Variants in ZDHHC18 observed in about 807,000 individuals in gnomAD.
The protein encoded by ZDHHC18 is zDHHC palmitoyltransferase 18.
Under a neutral mutation model 37.5 loss-of-function variants are expected in ZDHHC18, and 23 were observed. That is an observed-to-expected ratio of 0.61 (90% CI 0.44 to 0.87). The LOEUF (loss-of-function observed/expected upper bound fraction) is 0.87, where lower values mean the gene tolerates loss of function less well. Among genes scored for constraint, ZDHHC18 ranks in the 40% least tolerant of loss-of-function variants. The pLI is 0.00. For missense variants in ZDHHC18, 406 were observed against 525.6 expected (o/e 0.77, Z 2.22); for synonymous variants, 185 against 218.7 (o/e 0.85, Z 1.36).
chr1:26,836,583 T>G (rs1252177044), intron 2 of ZDHHC18, among the ~76,000 whole-genome samples: 3 of 150,364 alleles, frequency 2.0e-5, no homozygotes, highest in Non-Finnish European at 4.4e-5. Flanking sequence ...TTTTTTTTTT[T>G]TTTGAGACGG....
rs972611579 is a variant in ZDHHC18 at position 26,827,054 on chromosome 1, C to T, written c.250C>T (p.Arg84Cys). 1.5e-6 allele frequency: 2 copies of T among 1,361,832 alleles called. No individual in the cohort carries two copies. The highest frequency in any genetic ancestry group is 1.5e-5 in the African/African-American group (1 of 65,842). The allele number at this position is 1,361,832 out of a possible 1,614,324, so 84.4% of individuals were successfully genotyped here. Residue 84 changes from arginine to cysteine, a missense_variant, in exon 1 of 8, where the codon CGC becomes TGC. Transcript: ENST00000374142. ...PGRNRFYCGG[R>C]LMLAGHGGVF... is the part of the protein sequence containing the mutation. Reference sequence around the variant, plus strand: ...TCGCAATCGCTTCTACTGCGGCGGCCGCCTCATGCTGGCCGGCCACGGCGG... The same window carrying T: ...TCGCAATCGCTTCTACTGCGGCGGCTGCCTCATGCTGGCCGGCCACGGCGG...
At chr1:26,845,108 A>G (rs922507414) in intron 2 of ZDHHC18, among the ~76,000 whole-genome samples, 123 of 151,868 alleles carry the variant, frequency 8.1e-4, no homozygotes, top group African/African-American at 2.7e-3. Flanking sequence ...TATTTTTAGT[A>G]TAGACGAGGT....
In ZDHHC18 at chr1:26,850,338, T is replaced by C; in HGVS notation, c.684T>C (p.Cys228=). 1 of 1,614,218 alleles carries C rather than the reference T, an allele frequency of 6.2e-7. No individual in the cohort carries two copies. Among genetic ancestry groups the C allele is most frequent in the South Asian group, 1.1e-5 (1 of 91,088 alleles). ...ATCACTGCCCCTGGGTGGGCAACTG[T>C]GTGGGGAGACGGAACTATCGCTTCT... The part of the protein sequence containing the change: ...FDHHCPWVGN[C]VGRRNYRFFY... Residue 228 remains cysteine, a synonymous_variant, in exon 4 of 8, where the codon TGT becomes TGC. Transcript: ENST00000374142. This position sits in a 1 kb window ranked among gnomAD's most constrained non-coding sequence, Gnocchi z 6.1.
chr1:26,845,414 C>T, intron 2 of ZDHHC18, among the ~76,000 whole-genome samples: 1 of 143,658 alleles, frequency 7.0e-6, no homozygotes, highest in East Asian at 2.0e-4. Context: ...CTCACTGTAA[C>T]CCCCACCTCC....
intron 7 of ZDHHC18, 115 bp downstream of exon 7, chr1:26,852,980 C>T: frequency 2.5e-6 from 2 of 799,354 alleles, no homozygotes; most frequent in Non-Finnish European, 3.9e-6. Flanking sequence ...CGTCCACTAC[C>T]CCCTGGAGGG....
intron 2 of ZDHHC18, 28 bp downstream of exon 2, chr1:26,832,635 G>T: frequency 6.2e-7 from 1 of 1,611,030 alleles, no homozygotes; most frequent in South Asian, 1.1e-5. Flanking sequence ...AGCTGAAGCT[G>T]GGTCTCCATA....
At chr1:26,853,596 C>A (rs552788470) in intron 7 of ZDHHC18, 130 bp from the exon 8 acceptor site, 154 of 870,524 alleles carry the variant, frequency 1.8e-4, no homozygotes, top group Middle Eastern at 1.6e-3. Flanking sequence ...AGATGGGCAG[C>A]AGCTCTCCTT....
Position 26,857,559 on chromosome 1 carries a change from T to G in ZDHHC18, c.*3716T>G, listed in dbSNP as rs1375378631. On this transcript the variant is annotated 3_prime_UTR_variant, in exon 8 of 8. Coordinates refer to ENST00000374142, the MANE Select transcript of ZDHHC18 (RefSeq NM_032283.3). ...CTGCTTGTCTGCTATCCTGTACCTT[T>G]TTTTTTTTTAACCAAAATAAAGATT... The G allele has an allele frequency of 1.3e-5, 2 of 151,498 alleles. No individual in the cohort carries two copies. The highest frequency in any genetic ancestry group is 2.9e-5 in the Non-Finnish European group (2 of 67,804). The allele number at this position is 151,498 out of a possible 1,614,324, so 9.4% of individuals were successfully genotyped here.
chr1:26,846,158 G>GTATATATGTCTATATATACACA (rs1348890409), intron 2 of ZDHHC18, among the ~76,000 whole-genome samples: 1 of 143,966 alleles, frequency 6.9e-6, no homozygotes, highest in Non-Finnish European at 1.5e-5. Flanking sequence ...ATATATACAT[G>GTATATATGTCTATATATACACA]TATATATGTC....
chr1:26,843,655 T>G (rs1267591477), intron 2 of ZDHHC18, among the ~76,000 whole-genome samples: 1 of 151,664 alleles, frequency 6.6e-6, no homozygotes, highest in Non-Finnish European at 1.5e-5. Flanking sequence ...CTGGGCGTAG[T>G]GGCACACACC....
chr1:26,852,315 C>A (rs1484460877), intron 6 of ZDHHC18, among the ~76,000 whole-genome samples: 1 of 152,192 alleles, frequency 6.6e-6, no homozygotes, highest in Non-Finnish European at 1.5e-5. Flanking sequence ...TAATCTAATG[C>A]CCTAGCAATG....
At chr1:26,853,624 C>T in intron 7 of ZDHHC18, 102 bp from the exon 8 acceptor site, 4 of 1,127,856 alleles carry the variant, frequency 3.5e-6, no homozygotes, top group South Asian at 1.3e-5. Context: ...CCTTTCTCAG[C>T]CTGGGCCTTT....
intron 1 of ZDHHC18, among the ~76,000 whole-genome samples, chr1:26,830,626 G>A (rs777728542): frequency 6.6e-6 from 1 of 152,146 alleles, no homozygotes; most frequent in Non-Finnish European, 1.5e-5. Flanking sequence ...TTCAAAAGAT[G>A]GTAGCTATTT....
At chr1:26,841,292 T>C (rs937541104) in intron 2 of ZDHHC18, among the ~76,000 whole-genome samples, 6 of 152,160 alleles carry the variant, frequency 3.9e-5, no homozygotes, top group Non-Finnish European at 8.8e-5. Context: ...ATCCAGCTAA[T>C]TTTTAAAAAT....
intron 2 of ZDHHC18, 38 bp from the exon 3 acceptor site, chr1:26,848,570 C>T: frequency 1.3e-6 from 2 of 1,596,416 alleles, no homozygotes; most frequent in African/African-American, 1.3e-5. Flanking sequence ...CCTGGGCTGC[C>T]TTGGGCATTC....
intron 2 of ZDHHC18, among the ~76,000 whole-genome samples, chr1:26,844,784 T>C (rs909586717): frequency 6.6e-6 from 1 of 152,252 alleles, no homozygotes; most frequent in Admixed American, 6.5e-5. Context: ...CTAATGAATA[T>C]AAGCACTTTT....
intron 2 of ZDHHC18, among the ~76,000 whole-genome samples, chr1:26,844,573 C>G (rs901020327): frequency 4.6e-5 from 7 of 152,102 alleles, no homozygotes; most frequent in Non-Finnish European, 1.5e-5. Flanking sequence ...TGGGTAGATG[C>G]CTGGGAGCAG....
At position 26,836,264 on chromosome 1, in the gene ZDHHC18, C is replaced by G. The variant is rs531407779; in HGVS notation, c.496+3657C>G. On this transcript the variant is annotated intron_variant, in intron 2 of 7. Transcript: ENST00000374142. The stretch of plus-strand genomic sequence containing the variant: ...CTCTCCACTGCCATACACCAGCTCC[C>G]AGACCCCATCTCCTTTGTCTCCAGG... Among the ~76,000 whole-genome samples the G allele has an allele frequency of 9.8e-5, 15 of 152,318 alleles. No individual in the cohort carries two copies. The South Asian group carries it at 3.1e-3, about 32-fold the overall frequency.
At chr1:26,836,558 T>A (rs2081612496) in intron 2 of ZDHHC18, among the ~76,000 whole-genome samples, 1 of 151,116 alleles carries the variant, frequency 6.6e-6, no homozygotes, top group Non-Finnish European at 1.5e-5. Flanking sequence ...TCATTTCTTT[T>A]TTTTTCTTTT....
Sources: allele counts gnomAD v4.1 joint callset (sites outside exome capture counted in the v4.1 genomes callset), GRCh38; gene constraint gnomAD v4.1.1; non-coding constraint Gnocchi (gnomAD v3.1); transcripts MANE v1.5; gene names NCBI Gene and HGNC (gene_info 2026-07-23, HGNC 2026-07-21).